SESN3: variants seen among roughly 807,000 people sequenced by gnomAD.
The protein encoded by SESN3 is sestrin 3, also known as sestrin-3.
Under a neutral mutation model 55.3 loss-of-function variants are expected in SESN3, and 21 were observed. The ratio of observed to expected loss-of-function variants is 0.38; its 90% CI spans 0.27 to 0.55. The LOEUF (loss-of-function observed/expected upper bound fraction) is 0.55. Among genes scored for constraint, SESN3 ranks in the 20% least tolerant of loss-of-function variants. The probability of loss-of-function intolerance (pLI) is 0.76; values close to 1 mark genes in which losing one functional copy is unlikely to be tolerated. For missense variants in SESN3, 408 were observed against 604.3 expected, an observed-to-expected ratio of 0.68 and a Z score of 3.41; for synonymous variants, 181 against 203.1, an observed-to-expected ratio of 0.89 and a Z score of 0.93.
chr11:95,175,277 T>A (rs1859933743), intron 9 of SESN3, among the ~76,000 whole-genome samples: 1 of 152,098 alleles, frequency 6.6e-6, no homozygotes, highest in Non-Finnish European at 1.5e-5. Flanking sequence ...GGCAGAAGAA[T>A]CACTTGAACC....
Position 95,189,878 on chromosome 11 carries a change from C to T in SESN3, c.426G>A (p.Leu142=), listed in dbSNP as rs1860234280. The change falls in exon 4 of 10, where the codon TTG becomes TTA. Residue 142 remains leucine (L), a synonymous_variant. Coordinates refer to ENST00000536441, the MANE Select transcript of SESN3 (RefSeq NM_144665.4). ...TTTGTGGCACATATTCCAAACCATT[C>T]AACCACTCAGCAATACCTCCAGTCT... ...FLKTGGIAEW[L]NGLEYVPQRL... 1.9e-6 allele frequency: 3 copies of T among 1,611,588 alleles called. No homozygotes were observed. In the African/African-American group the frequency reaches 4.0e-5, roughly 22 times the overall value.
chr11:95,191,396 G>T lies in SESN3; in HGVS notation c.342+8C>A. The T allele has an allele frequency of 1.2e-6, 2 of 1,601,406 alleles. No homozygotes were observed. The highest frequency in any genetic ancestry group is 1.7e-6 in the Non-Finnish European group (2 of 1,168,792). ...GTGTTATGTGAACATAGGAAAATAAGCACCCACCATTATTGCAATATAGTG... is the reference window on the plus strand; with the variant it reads ...GTGTTATGTGAACATAGGAAAATAATCACCCACCATTATTGCAATATAGTG... On this transcript the variant is annotated splice_region_variant and intron_variant, in intron 3 of 9. Coordinates refer to ENST00000536441, the MANE Select transcript of SESN3 (RefSeq NM_144665.4).
chr11:95,204,724 G>C (rs1396815164), intron 1 of SESN3: 1 of 152,186 alleles, frequency 6.6e-6, no homozygotes, highest in Non-Finnish European at 1.5e-5. Context: ...CTGGCACCCT[G>C]ATCTAGGACT....
chr11:95,189,971 A>G lies in SESN3; in HGVS notation c.343-10T>C, dbSNP rs376177414. 17 of 1,570,494 alleles carry G rather than the reference A, an allele frequency of 1.1e-5. No homozygotes were observed. The highest frequency in any genetic ancestry group is 3.6e-5 in the South Asian group (3 of 84,250). On this transcript the variant is annotated splice_polypyrimidine_tract_variant and intron_variant, in intron 3 of 9. Coordinates refer to ENST00000536441, the MANE Select transcript of SESN3 (RefSeq NM_144665.4). ...GATGTCTAGCTGCAGCCTAAAGCAC[A>G]AAGAAAAAAATTCATTGATAAAAGA...
intron 1 of SESN3, among the ~76,000 whole-genome samples, chr11:95,217,567 GC>G (rs1860782809): frequency 6.6e-6 from 1 of 151,180 alleles, no homozygotes; most frequent in South Asian, 2.1e-4. Context: ...CAGGAGAATT[GC>G]TTGAACCCGG....
At chr11:95,193,891 G>T (rs1807720514) in intron 1 of SESN3, among the ~76,000 whole-genome samples, 1 of 151,960 alleles carries the variant, frequency 6.6e-6, no homozygotes, top group African/African-American at 2.4e-5. Context: ...TAAATAAAAG[G>T]TTAAATTCGA....
chr11:95,223,264 C>G (rs1337797867), intron 1 of SESN3, among the ~76,000 whole-genome samples: 1 of 151,650 alleles, frequency 6.6e-6, no homozygotes, highest in Non-Finnish European at 1.5e-5. Flanking sequence ...GTTATCAGTA[C>G]CCTGCATTAA....
intron 7 of SESN3, among the ~76,000 whole-genome samples, chr11:95,178,228 A>G (rs11824483): frequency 0.01 from 1,577 of 152,268 alleles, 35 homozygotes; most frequent in African/African-American, 0.036. Context: ...GAACAAACCT[A>G]CCCAGTGACA....
intron 4 of SESN3, 99 bp downstream of exon 4, chr11:95,189,680 A>G (rs1591055322): frequency 1.3e-6 from 1 of 771,076 alleles, no homozygotes; most frequent in Non-Finnish European, 2.0e-6. Flanking sequence ...TTCTACACAT[A>G]CTAAGACACT....
At chr11:95,199,934 T>G (rs1384597367) in intron 1 of SESN3, among the ~76,000 whole-genome samples, 1 of 152,022 alleles carries the variant, frequency 6.6e-6, no homozygotes, top group Non-Finnish European at 1.5e-5. Context: ...AACCCCACAA[T>G]TTTTAAAGAT....
At chr11:95,194,915 C>T (rs762294482) in intron 1 of SESN3, among the ~76,000 whole-genome samples, 5 of 152,036 alleles carry the variant, frequency 3.3e-5, no homozygotes, top group Non-Finnish European at 7.4e-5. Flanking sequence ...CAGAGTGAGA[C>T]CTCATCTCAC....
rs909975554 is a variant in SESN3 at position 95,230,888 on chromosome 11, G to A, written c.-28C>T. On this transcript the variant is annotated 5_prime_UTR_variant, in exon 1 of 10. Transcript: ENST00000536441. The surrounding 1 kb of genome is among the most constrained non-coding windows in gnomAD (Gnocchi z 4.6). ...TGGCTGCGGGCGCCGAGGCGAGAGC[G>A]GGCGGAGGGCCGGGTCCGGGCTGTC... is the stretch of plus-strand genomic sequence containing the variant. The A allele has an allele frequency of 6.6e-7, 1 of 1,520,514 alleles. No homozygotes were observed. The highest frequency in any genetic ancestry group is 8.8e-7 in the Non-Finnish European group (1 of 1,137,716). The allele number at this position is 1,520,514 out of a possible 1,614,324, so 94.2% of individuals were successfully genotyped here.
At chr11:95,175,372 T>G (rs1383062116) in intron 9 of SESN3, 126 bp downstream of exon 9, 2 of 830,248 alleles carry the variant, frequency 2.4e-6, no homozygotes, top group Non-Finnish European at 3.7e-6. Context: ...CCCAGATAGC[T>G]AGATGATGCC....
intron 1 of SESN3, chr11:95,203,794 C>T (rs1161100811): frequency 6.6e-6 from 1 of 152,278 alleles, no homozygotes; most frequent in African/African-American, 2.4e-5. Flanking sequence ...AATTATTGAC[C>T]CCTCTGCTTC....
At chr11:95,183,159 T>C (rs1017420369) in intron 6 of SESN3, among the ~76,000 whole-genome samples, 3 of 152,168 alleles carry the variant, frequency 2.0e-5, no homozygotes, top group African/African-American at 7.2e-5. Flanking sequence ...AACACCATGC[T>C]GAAACTCTAT....
chr11:95,183,835 G>C lies in SESN3; in HGVS notation c.937+585C>G, dbSNP rs114780875. On this transcript the variant is annotated intron_variant, in intron 6 of 9. Coordinates refer to ENST00000536441, the MANE Select transcript of SESN3 (RefSeq NM_144665.4). ...AGTTTATTTCCTATTTCAGTCCTTC[G>C]AGTATTAGAAAAACTGTTTTCAAGA... 1.2e-3 allele frequency among the ~76,000 whole-genome samples: 180 copies of C among 151,838 alleles called. 1 individual carries two copies. The highest frequency in any genetic ancestry group is 4.2e-3 in the African/African-American group (173 of 41,372).
intron 1 of SESN3, among the ~76,000 whole-genome samples, chr11:95,229,760 G>A (rs1160964642): frequency 1.3e-5 from 2 of 152,058 alleles, no homozygotes; most frequent in African/African-American, 4.8e-5. Context: ...ATTCATCTCC[G>A]CTTTCAGTCC....
chr11:95,190,375 T>C (rs998965939), intron 3 of SESN3, among the ~76,000 whole-genome samples: 3 of 151,964 alleles, frequency 2.0e-5, no homozygotes, highest in Non-Finnish European at 4.4e-5. Flanking sequence ...CTCTTTAAGA[T>C]AAATGTGACT....
At chr11:95,225,281 C>T (rs1347376585) in intron 1 of SESN3, among the ~76,000 whole-genome samples, 2 of 152,058 alleles carry the variant, frequency 1.3e-5, no homozygotes, top group African/African-American at 4.8e-5. Context: ...GGTTTTGGAC[C>T]CACAGGGATC....
Sources: gnomAD v4.1 joint callset for allele counts (sites outside exome capture counted in the v4.1 genomes callset) on GRCh38, gnomAD v4.1.1 for gene constraint, Gnocchi (gnomAD v3.1) non-coding constraint, MANE v1.5 for transcripts, NCBI Gene and HGNC (gene_info 2026-07-23, HGNC 2026-07-21) for gene names.